The following TTC6 variants were observed in gnomAD, a reference collection of about 807,000 sequenced individuals.
TTC6 encodes the protein tetratricopeptide repeat domain 6.
TTC6 carries 172 observed loss-of-function variants against 210.4 expected under a neutral mutation model. The ratio of observed to expected loss-of-function variants is 0.82; its 90% CI spans 0.72 to 0.93. The LOEUF is 0.93. TTC6 is among the 40% of genes least tolerant of loss of function. The pLI, the probability that TTC6 is intolerant of heterozygous loss-of-function variation, is 0.00. For synonymous variants in TTC6, 804 were observed against 819.6 expected, an observed-to-expected ratio of 0.98 and a Z score of 0.32; for missense variants, 2,414 against 2,318.1, an observed-to-expected ratio of 1.04 and a Z score of -0.85.
chr14:37,697,081 A>G (rs2095816312), intron 4 of TTC6, among the ~76,000 whole-genome samples: 1 of 152,094 alleles, frequency 6.6e-6, no homozygotes, highest in South Asian at 2.1e-4. Flanking sequence ...AGCTGGAAAA[A>G]ATAACTGTTT....
intron 1 of TTC6, among the ~76,000 whole-genome samples, chr14:37,654,485 A>T (rs947533003): frequency 6.6e-6 from 1 of 152,002 alleles, no homozygotes; most frequent in African/African-American, 2.4e-5. Flanking sequence ...TTCTGCCATG[A>T]TTGGAAGCTT....
intron 1 of TTC6, among the ~76,000 whole-genome samples, chr14:37,643,966 T>C (rs991940024): frequency 6.6e-6 from 1 of 152,246 alleles, no homozygotes; most frequent in African/African-American, 2.4e-5. Context: ...ATTATGGCTT[T>C]TTATGCATGA....
At position 37,840,531 on chromosome 14, in the gene TTC6, C is replaced by G. The variant is rs190521130; in HGVS notation, c.5299-914C>G. On this transcript the variant is annotated intron_variant, in intron 29 of 30. Transcript: ENST00000553443. ...CTGATGTCAAAACCTGGCAGAGACA[C>G]AACAAAACAAAAAAAAAAGAAATTT... Among the ~76,000 whole-genome samples the G allele has an allele frequency of 1.3e-3, 201 of 150,850 alleles. 4 individuals carry two copies. Among genetic ancestry groups the G allele is most frequent in the African/African-American group, 4.4e-3 (183 of 41,188 alleles).
intron 1 of TTC6, among the ~76,000 whole-genome samples, chr14:37,600,538 C>A (rs940502790): frequency 6.6e-6 from 1 of 152,120 alleles, no homozygotes; most frequent in Non-Finnish European, 1.5e-5. Context: ...TTTCAGTTGT[C>A]CCTGGTGGTT....
chr14:37,699,424 G>A (rs2095820674), intron 4 of TTC6, among the ~76,000 whole-genome samples: 1 of 152,202 alleles, frequency 6.6e-6, no homozygotes. Context: ...TTGAACCCAG[G>A]CAGTCTGACT....
At position 37,606,751 on chromosome 14, in the gene TTC6, T is replaced by C. The variant is rs984710260; in HGVS notation, c.-155+9T>C. On this transcript the variant is annotated intron_variant, in intron 2 of 2. Coordinates refer to the TTC6 transcript ENST00000556845. ...GGATTCATGGAAGTGAGGTATGATG[T>C]CTTCAGTTCTTTCCAGTTCATCCTC... 4 of 985,186 alleles carry C rather than the reference T, an allele frequency of 4.1e-6. No individual in the cohort carries two copies. The African/African-American group carries it at 7.0e-5, about 17-fold the overall frequency. The allele number at this position is 985,186 out of a possible 1,614,324, so 61.0% of individuals were successfully genotyped here.
chr14:37,785,683 T>C (rs937184918), intron 14 of TTC6, among the ~76,000 whole-genome samples: 3 of 152,230 alleles, frequency 2.0e-5, no homozygotes, highest in East Asian at 1.9e-4. Context: ...CTGCGTTCCT[T>C]TGGAGGAGAA....
intron 2 of TTC6, among the ~76,000 whole-genome samples, chr14:37,611,030 C>T: frequency 6.6e-6 from 1 of 152,244 alleles, no homozygotes; most frequent in East Asian, 1.9e-4. Context: ...GTCCAAGAGG[C>T]TCTTCGGGAG....
chr14:37,670,474 C>CCTTTTTTTTTTTTTT lies in TTC6; in HGVS notation c.940-9677_940-9676insCTTTTTTTTTTTTTT, dbSNP rs532690678. On this transcript the variant is annotated intron_variant, in intron 1 of 30. Transcript: ENST00000553443. ...TAAGGATCTAGCACAAACTACCTCA[C>CCTTTTTTTTTTTTTT]TTTTTTTTTTTTTTTTTTTTTAGTC... 3.9e-4 allele frequency among the ~76,000 whole-genome samples: 47 copies of CCTTTTTTTTTTTTTT among 121,324 alleles called. 5 individuals carry two copies. Among genetic ancestry groups the CCTTTTTTTTTTTTTT allele is most frequent in the Middle Eastern group, 9.6e-3 (2 of 208 alleles). 79.6% of individuals were successfully genotyped at this position (121,324 alleles called of 152,430 possible).
intron 14 of TTC6, among the ~76,000 whole-genome samples, chr14:37,773,577 T>C (rs1477301599): frequency 6.6e-6 from 1 of 152,116 alleles, no homozygotes; most frequent in African/African-American, 2.4e-5. Flanking sequence ...AGGTGTGTGG[T>C]ATTATTTCTG....
At chr14:37,841,800 C>A in intron 30 of TTC6, 130 bp downstream of exon 32, 1 of 791,954 alleles carries the variant, frequency 1.3e-6, no homozygotes, top group Non-Finnish European at 2.0e-6. Context: ...TTTTAGATAT[C>A]ATGTCCTTAA....
intron 26 of TTC6, among the ~76,000 whole-genome samples, chr14:37,821,772 CTTTTTTTTTTT>C (rs35078384): frequency 2.9e-5 from 2 of 69,160 alleles, no homozygotes; most frequent in African/African-American, 1.3e-4. Context: ...AAGAGCTAGT[CTTTTTTTTTTT>C]TTTTTTTTTT....
At chr14:37,628,223 T>C (rs1273712028) in intron 1 of TTC6, among the ~76,000 whole-genome samples, 1 of 152,200 alleles carries the variant, frequency 6.6e-6, no homozygotes, top group African/African-American at 2.4e-5. Context: ...TCCGCCCACC[T>C]TGGTCTCCCA....
chr14:37,790,590 G>T (rs935270999), intron 15 of TTC6, 127 bp from the exon 18 acceptor site: 1 of 746,282 alleles, frequency 1.3e-6, no homozygotes, highest in African/African-American at 1.8e-5. Flanking sequence ...ACTCATCATA[G>T]ATATGTTTCT....
chr14:37,648,684 T>G (rs1349219576), intron 1 of TTC6, among the ~76,000 whole-genome samples: 1 of 152,194 alleles, frequency 6.6e-6, no homozygotes, highest in East Asian at 1.9e-4. Flanking sequence ...TGGGCTTGTG[T>G]CTTGGGTAAA....
At position 37,751,216 on chromosome 14, in the gene TTC6, C is replaced by T. The variant is rs975777752; in HGVS notation, c.3120C>T (p.Asp1040=). 18 of 1,519,490 alleles carry T rather than the reference C, an allele frequency of 1.2e-5. No homozygotes were observed. In the East Asian group the frequency reaches 4.2e-4, roughly 35 times the overall value. 94.1% of individuals were successfully genotyped at this position (1,519,490 alleles called of 1,614,324 possible). A position where few individuals can be genotyped will look rare whatever the true frequency, so the allele number is the denominator to read the frequency against. Residue 1040 remains aspartate (D), a synonymous_variant, in exon 13 of 31, where the codon GAC becomes GAT. Transcript: ENST00000553443. ...CAAACAAAGTACTGGCCATTGATGA[C>T]TTTTCGAAAGTAAGCTTTATCACAT...
At chr14:37,613,793 T>G (rs981003827) in intron 2 of TTC6, among the ~76,000 whole-genome samples, 1 of 152,110 alleles carries the variant, frequency 6.6e-6, no homozygotes, top group African/African-American at 2.4e-5. Flanking sequence ...CTTTAGTATC[T>G]TTAGGTTTTA....
intron 14 of TTC6, among the ~76,000 whole-genome samples, chr14:37,761,088 G>A (rs35440296): frequency 5.3e-5 from 8 of 152,090 alleles, no homozygotes; most frequent in South Asian, 2.1e-4. Context: ...CAGCTAGCTC[G>A]GTGTCTGCCC....
chr14:37,669,103 G>A (rs35330350), intron 1 of TTC6, among the ~76,000 whole-genome samples: 8,705 of 152,320 alleles, frequency 0.057, 384 homozygotes, highest in Non-Finnish European at 0.089. Context: ...TGCAAAGTGA[G>A]AGAAGAGAAA....
Sources: gnomAD v4.1 joint callset for allele counts (sites outside exome capture counted in the v4.1 genomes callset) on GRCh38, gnomAD v4.1.1 for gene constraint, MANE v1.5 for transcripts, NCBI Gene and HGNC (gene_info 2026-07-23, HGNC 2026-07-21) for gene names.